SGCD: variants seen among roughly 807,000 people sequenced by gnomAD.
SGCD encodes the protein delta-sarcoglycan.
A neutral mutation model predicts 36.6 loss-of-function variants in SGCD; 18 were observed. The ratio of observed to expected loss-of-function variants is 0.49; its 90% CI spans 0.34 to 0.73. SGCD has a LOEUF of 0.73. Ranked by LOEUF, SGCD falls within the 30% of genes least tolerant of loss-of-function variation. The pLI, the probability that SGCD is intolerant of heterozygous loss-of-function variation, is 0.01. For synonymous variants in SGCD, 133 were observed against 130.6 expected, an observed-to-expected ratio of 1.02 and a Z score of -0.12; for missense variants, 387 against 346.7, an observed-to-expected ratio of 1.12 and a Z score of -0.92.
intron 4 of SGCD, among the ~76,000 whole-genome samples, chr5:156,585,151 T>C (rs1318256970): frequency 1.3e-5 from 2 of 152,198 alleles, no homozygotes; most frequent in African/African-American, 2.4e-5. Context: ...AAAAATGGAC[T>C]GTTTCCCAGC....
At chr5:156,358,036 GC>G (rs1291390611) in intron 3 of SGCD, among the ~76,000 whole-genome samples, 6 of 152,154 alleles carry the variant, frequency 3.9e-5, no homozygotes, top group Admixed American at 2.6e-4. Context: ...GTTTGGATTG[GC>G]CGATGTATGG....
In SGCD at chr5:156,056,654, A is replaced by AAAAAAAAAACAAAAC. The variant is rs1554115106; in HGVS notation, c.-281-61215_-281-61214insCAAAACAAAAAAAAA. Among the ~76,000 whole-genome samples the AAAAAAAAAACAAAAC allele has an allele frequency of 1.2e-3, 170 of 137,916 alleles. 9 individuals carry two copies. The highest frequency in any genetic ancestry group is 4.2e-3 in the African/African-American group (149 of 35,756). The allele number at this position is 137,916 out of a possible 152,430, so 90.5% of individuals were successfully genotyped here. A position where few individuals can be genotyped will look rare whatever the true frequency, so the allele number is the denominator to read the frequency against. On this transcript the variant is annotated intron_variant, in intron 1 of 9. Transcript: ENST00000517913. ...CCTGCCAAATTATCCTTAAAAAAAA[A>AAAAAAAAAACAAAAC]AAAAAAAAAAACAGTCTCCAAATTT...
intron 7 of SGCD, among the ~76,000 whole-genome samples, chr5:156,693,833 T>C (rs540115790): frequency 6.6e-6 from 1 of 152,288 alleles, no homozygotes; most frequent in Admixed American, 6.5e-5. Flanking sequence ...TACTTAGAAA[T>C]TGAAGGATTT....
chr5:155,948,873 A>G (rs13355816), intron 1 of SGCD, among the ~76,000 whole-genome samples: 2,398 of 152,278 alleles, frequency 0.016, 57 homozygotes, highest in African/African-American at 0.055. Flanking sequence ...AGAAAAAGAC[A>G]TAGTCTATAA....
chr5:156,340,223 G>T (rs984417888), intron 2 of SGCD, among the ~76,000 whole-genome samples: 1 of 152,174 alleles, frequency 6.6e-6, no homozygotes, highest in African/African-American at 2.4e-5. Context: ...TTTTGATGAG[G>T]CATCAATGAC....
At chr5:156,742,948 A>G (rs1430674253) in intron 7 of SGCD, among the ~76,000 whole-genome samples, 1 of 152,166 alleles carries the variant, frequency 6.6e-6, no homozygotes, top group Non-Finnish European at 1.5e-5. Flanking sequence ...ACCCTCACAG[A>G]CACACCTAGA....
intron 1 of SGCD, among the ~76,000 whole-genome samples, chr5:156,071,058 T>G (rs1760541598): frequency 6.6e-6 from 1 of 152,184 alleles, no homozygotes; most frequent in Non-Finnish European, 1.5e-5. Context: ...GTCTATCAAT[T>G]TTGTTGATCC....
chr5:155,754,742 G>T, the SGCD span, among the ~76,000 whole-genome samples: 4 of 152,176 alleles, frequency 2.6e-5, no homozygotes, highest in Admixed American at 2.6e-4. Flanking sequence ...TGTTTTTCTA[G>T]CCTTAATTTA....
chr5:156,593,977 C>A (rs1411970102), intron 5 of SGCD, among the ~76,000 whole-genome samples: 2 of 152,134 alleles, frequency 1.3e-5, no homozygotes, highest in Non-Finnish European at 2.9e-5. Flanking sequence ...TTCTTTTGAT[C>A]TGAGCTAGGT....
chr5:156,700,225 GA>G (rs1206744232), intron 7 of SGCD, among the ~76,000 whole-genome samples: 1 of 152,138 alleles, frequency 6.6e-6, no homozygotes, highest in Non-Finnish European at 1.5e-5. Context: ...CAAGTGGGTT[GA>G]CAGTACAGTC....
chr5:156,409,564 C>T (rs981882486), intron 3 of SGCD, among the ~76,000 whole-genome samples: 3 of 152,200 alleles, frequency 2.0e-5, no homozygotes, highest in African/African-American at 4.8e-5. Context: ...TCCCTTCTCT[C>T]GTTCTTACAT....
At chr5:155,910,258 TA>T (rs1316298955) in intron 1 of SGCD, among the ~76,000 whole-genome samples, 30 of 152,210 alleles carry the variant, frequency 2.0e-4, no homozygotes, top group Middle Eastern at 3.4e-3. Flanking sequence ...ATATGTCTTT[TA>T]AAAAATTTTT....
intron 1 of SGCD, among the ~76,000 whole-genome samples, chr5:156,047,288 G>A (rs982165695): frequency 1.7e-4 from 26 of 152,114 alleles, no homozygotes; most frequent in Admixed American, 1.1e-3. Context: ...GAAAATCCAC[G>A]CAAGATCATC....
chr5:155,926,254 G>T (rs896866470), intron 1 of SGCD, among the ~76,000 whole-genome samples: 2 of 152,148 alleles, frequency 1.3e-5, no homozygotes, highest in African/African-American at 4.8e-5. Context: ...AAGATTCTCC[G>T]CAAGTTTGCT....
chr5:156,680,988 A>G (rs1753699348), intron 7 of SGCD, among the ~76,000 whole-genome samples: 1 of 152,060 alleles, frequency 6.6e-6, no homozygotes, highest in African/African-American at 2.4e-5. Context: ...CACTGGAACC[A>G]GCCGGTCGCT....
At chr5:156,692,431 C>T (rs371174748) in intron 7 of SGCD, among the ~76,000 whole-genome samples, 5 of 152,278 alleles carry the variant, frequency 3.3e-5, no homozygotes, top group South Asian at 4.1e-4. Flanking sequence ...TTAGATTTTG[C>T]GCCAGCTGAA....
chr5:155,996,348 C>A (rs140203822), intron 1 of SGCD, among the ~76,000 whole-genome samples: 7 of 152,142 alleles, frequency 4.6e-5, no homozygotes, highest in Non-Finnish European at 1.0e-4. Flanking sequence ...GCAAGCCATG[C>A]CTTTCCCTCT....
At chr5:155,952,578 C>T (rs1215035470) in intron 1 of SGCD, among the ~76,000 whole-genome samples, 1 of 152,054 alleles carries the variant, frequency 6.6e-6, no homozygotes, top group African/African-American at 2.4e-5. Context: ...TGAAAACAGT[C>T]ATGGGGAGGG....
chr5:156,124,576 G>A (rs184106750), intron 3 of SGCD, among the ~76,000 whole-genome samples: 401 of 152,166 alleles, frequency 2.6e-3, no homozygotes, highest in Non-Finnish European at 3.9e-3. Flanking sequence ...TCACAGTAAC[G>A]ATAGACACTA....
Sources: allele counts gnomAD v4.1 joint callset (sites outside exome capture counted in the v4.1 genomes callset), GRCh38; gene constraint gnomAD v4.1.1; transcripts MANE v1.5; gene names NCBI Gene and HGNC (gene_info 2026-07-23, HGNC 2026-07-21).